The following ZNF862 variants were observed in gnomAD, a reference collection of about 807,000 sequenced individuals.
ZNF862 encodes the protein zinc finger protein 862.
A neutral mutation model predicts 91.1 loss-of-function variants in ZNF862; 64 were observed. The observed-to-expected ratio is 0.70, with a 90% CI of 0.57 to 0.87. The LOEUF is 0.87. ZNF862 is among the 40% of genes least tolerant of loss of function. The pLI is 0.00. For synonymous variants in ZNF862, 631 were observed against 618.1 expected (o/e 1.02, Z -0.31); for missense variants, 1,459 against 1,528.0 (o/e 0.95, Z 0.75).
At chr7:149,862,617 T>C in intron 7 of ZNF862, 123 bp downstream of exon 7, 1 of 1,109,154 alleles carries the variant, frequency 9.0e-7, no homozygotes, top group South Asian at 1.6e-5. Context: ...GGCCAGTGGG[T>C]ACTCGATGCG....
chr7:149,838,709 G>A (rs921685751), intron 1 of ZNF862, 74 bp downstream of exon 1: 125 of 1,023,958 alleles, frequency 1.2e-4, no homozygotes, highest in Non-Finnish European at 1.5e-4. Context: ...GAGGCGGGGC[G>A]GCTCGGGCGG....
At chr7:149,854,102 C>T (rs570372522) in intron 5 of ZNF862, among the ~76,000 whole-genome samples, 1 of 152,316 alleles carries the variant, frequency 6.6e-6, no homozygotes, top group African/African-American at 2.4e-5. Flanking sequence ...CAGCAGGACG[C>T]GCTTATAAAA....
Position 149,859,006 on chromosome 7 carries a change from C to T in ZNF862, c.1118-416C>T, listed in dbSNP as rs1461083270. 4 of 202,214 alleles carry T rather than the reference C, an allele frequency of 2.0e-5. No homozygotes were observed. In the East Asian group the frequency reaches 5.3e-4, roughly 27 times the overall value. 12.5% of individuals were successfully genotyped at this position (202,214 alleles called of 1,614,324 possible). ...AGCTGTGGGGGCAGAGGGGCACACG[C>T]GTGGGCCAGCTGTGGGGGCAGAGGG... On this transcript the variant is annotated intron_variant, in intron 5 of 7. Transcript: ENST00000223210.
At position 149,850,404 on chromosome 7, in the gene ZNF862, G is replaced by A; in HGVS notation, c.1117+66G>A. On this transcript the variant is annotated intron_variant, in intron 5 of 7. Coordinates refer to ENST00000223210, the MANE Select transcript of ZNF862 (RefSeq NM_001099220.3). The surrounding 1 kb of genome is among the most constrained non-coding windows in gnomAD (Gnocchi z 4.2). The stretch of plus-strand genomic sequence containing the variant: ...ACTTGGGAAGCCCACAAGGGGAGCT[G>A]TGGCTTGTGGTTATCTTCCCATTCC... The A allele has an allele frequency of 1.0e-5, 15 of 1,503,034 alleles. No individual in the cohort carries two copies. The highest frequency in any genetic ancestry group is 1.3e-5 in the Non-Finnish European group (15 of 1,117,076). 93.1% of individuals were successfully genotyped at this position (1,503,034 alleles called of 1,614,324 possible).
intron 4 of ZNF862, 136 bp downstream of exon 4, chr7:149,848,568 A>C: frequency 2.9e-6 from 2 of 693,698 alleles, no homozygotes; most frequent in East Asian, 2.9e-5. Context: ...GCATATACCA[A>C]CATGCTTATC....
rs199561761 is a variant in ZNF862, at chr7:149,850,143, C to T, written c.940-18C>T. 479 of 1,552,624 alleles carry T rather than the reference C, an allele frequency of 3.1e-4. No homozygotes were observed. The highest frequency in any genetic ancestry group is 2.5e-3 in the African/African-American group (185 of 73,138). ...GGCTCGGCAGGCGGTGCTGAGTGGC[C>T]GCTGCTCTTTGTTCCAGGACCCTTC... On this transcript the variant is annotated intron_variant, in intron 4 of 7. Transcript: ENST00000223210. The surrounding 1 kb of genome is among the most constrained non-coding windows in gnomAD (Gnocchi z 4.2).
rs1333966402 is a variant in ZNF862 at position 149,861,652 on chromosome 7, T to G, written c.2492T>G (p.Leu831Arg). 1.2e-6 allele frequency: 2 copies of G among 1,608,676 alleles called. No homozygotes were observed. The highest frequency in any genetic ancestry group is 1.7e-6 in the Non-Finnish European group (2 of 1,178,330). ...IGHRAKGMLK[L>R]MRGFHFVKFC... Reference sequence around the variant, plus strand: ...CACCGGGCCAAAGGGATGCTGAAGCTCATGCGCGGCTTCCACTTTGTCAAG... The same window carrying G: ...CACCGGGCCAAAGGGATGCTGAAGCGCATGCGCGGCTTCCACTTTGTCAAG... Residue 831 changes from leucine (L) to arginine (R), a missense_variant, in exon 7 of 8, where the codon CTC (leucine) becomes CGC (arginine). Coordinates refer to ENST00000223210, the MANE Select transcript of ZNF862 (RefSeq NM_001099220.3). The surrounding 1 kb of genome is among the most constrained non-coding windows in gnomAD (Gnocchi z 6.7).
At chr7:149,840,568 T>C (rs960844268) in intron 1 of ZNF862, among the ~76,000 whole-genome samples, 2 of 151,696 alleles carry the variant, frequency 1.3e-5, no homozygotes, top group South Asian at 2.1e-4. Context: ...ACTCACTCAC[T>C]CACCCAGAGC....
intron 5 of ZNF862, chr7:149,852,552 T>C (rs2128938594): frequency 6.6e-6 from 1 of 152,282 alleles, no homozygotes; most frequent in Non-Finnish European, 1.5e-5. Context: ...AATTTTTTTG[T>C]AGAGATGGAG....
rs747901845 is a variant in ZNF862, at chr7:149,862,226, AAGC to A, written c.3068_3070del (p.Ser1023del). ...CCCAGCACTGCCGCTTCCCCCTGCT[AAGC>A]AAGCTCATGGCCGTGGTGGTCTGTG... On this transcript the variant is annotated inframe_deletion, in exon 7 of 8. Transcript: ENST00000223210. 6.2e-7 allele frequency: 1 copy of A among 1,613,606 alleles called. No individual in the cohort carries two copies. The highest frequency in any genetic ancestry group is 8.5e-7 in the Non-Finnish European group (1 of 1,179,888).
In ZNF862 at chr7:149,861,125, C is replaced by G; in HGVS notation, c.1965C>G (p.Ser655=). The G allele has an allele frequency of 6.2e-7, 1 of 1,612,956 alleles. No homozygotes were observed. Among genetic ancestry groups the G allele is most frequent in the Non-Finnish European group, 8.5e-7 (1 of 1,179,838 alleles). The stretch of plus-strand genomic sequence containing the variant: ...TCAAGCAGATGGAGGTGAAAGAGTC[C>G]TACATCACTCTGGCCCCTCTCTACA... ...RYFKQMEVKE[S]YITLAPLYSE... Residue 655 remains serine (S), a synonymous_variant, in exon 7 of 8, where the codon TCC becomes TCG. Transcript: ENST00000223210. The surrounding 1 kb of genome is among the most constrained non-coding windows in gnomAD (Gnocchi z 6.7).
chr7:149,848,749 T>A (rs1801964467), intron 4 of ZNF862, among the ~76,000 whole-genome samples: 1 of 152,166 alleles, frequency 6.6e-6, no homozygotes, highest in Non-Finnish European at 1.5e-5. Flanking sequence ...TAAACACAGA[T>A]CTCAAGAAAT....
chr7:149,841,291 C>G, intron 1 of ZNF862: 1 of 985,332 alleles, frequency 1.0e-6, no homozygotes, highest in Non-Finnish European at 1.2e-6. Flanking sequence ...GTTTTGTGGT[C>G]TTTATTAACT....
At position 149,864,203 on chromosome 7, in the gene ZNF862, G is replaced by T. The variant is rs763196909; in HGVS notation, c.3429G>T (p.Glu1143Asp). 1.9e-6 allele frequency: 3 copies of T among 1,598,952 alleles called. No homozygotes were observed. The East Asian group carries it at 6.8e-5, about 36-fold the overall frequency. The change falls in exon 8 of 8, where the codon GAG becomes GAT. Residue 1143 changes from glutamate to aspartate, a missense_variant. Transcript: ENST00000223210. ...TCCTGCCCTCCAGGGAAGCAGCGGA[G>T]GTTCTGAAGGACTGCATCATGGAGC... is the stretch of plus-strand genomic sequence containing the variant. ...PPILPSREAAEVLKDCIMEPP... is the reference protein window; with the variant it reads ...PPILPSREAADVLKDCIMEPP...
chr7:149,843,579 C>T (rs1801774973), intron 1 of ZNF862, among the ~76,000 whole-genome samples: 1 of 152,284 alleles, frequency 6.6e-6, no homozygotes, highest in Admixed American at 6.5e-5. Flanking sequence ...CAACACCTCC[C>T]ATCTATTTTG....
chr7:149,851,905 G>A (rs554637924), intron 5 of ZNF862: 2 of 152,322 alleles, frequency 1.3e-5, no homozygotes, highest in Admixed American at 6.5e-5. Flanking sequence ...TCTAGGGGGT[G>A]GGCCTGGCCT....
At chr7:149,858,370 A>G (rs1319757860) in intron 5 of ZNF862, 1 of 152,180 alleles carries the variant, frequency 6.6e-6, no homozygotes, top group African/African-American at 2.4e-5. Flanking sequence ...TTTAAGAAGG[A>G]TATATGTTCA....
Position 149,844,545 on chromosome 7 carries a change from C to A in ZNF862, c.25-80C>A. ...ACAACACCCCTCCCCGTGTAGGGTG[C>A]CCTCAGGTGGTCAGGAACACTTTTG... is the stretch of plus-strand genomic sequence containing the variant. On this transcript the variant is annotated intron_variant, in intron 1 of 7. Coordinates refer to ENST00000223210, the MANE Select transcript of ZNF862 (RefSeq NM_001099220.3). The A allele has an allele frequency of 3.1e-6, 3 of 965,978 alleles. No homozygotes were observed. The South Asian group carries it at 4.6e-5, about 15-fold the overall frequency. 59.8% of individuals were successfully genotyped at this position (965,978 alleles called of 1,614,324 possible). A position where few individuals can be genotyped will look rare whatever the true frequency, so the allele number is the denominator to read the frequency against.
chr7:149,861,597 AGGGTGGCAGAGGCTGGGGGCCAGATT>A lies in ZNF862; in HGVS notation c.2441_2466del (p.Val814AlafsTer99). ...GCCCGCCCTGGCCAGGCACCTCCAG[AGGGTGGCAGAGGCTGGGGGCCAGATT>A]GGGCACCGGGCCAAAGGGATGCTGA... On this transcript the variant is annotated frameshift_variant, in exon 7 of 8. Transcript: ENST00000223210. LOFTEE classifies it high-confidence loss of function. The surrounding 1 kb of genome is among the most constrained non-coding windows in gnomAD (Gnocchi z 6.7). The A allele has an allele frequency of 1.9e-6, 3 of 1,599,334 alleles. No homozygotes were observed. Among genetic ancestry groups the A allele is most frequent in the Non-Finnish European group, 2.6e-6 (3 of 1,175,102 alleles).
Sources: allele counts gnomAD v4.1 joint callset (sites outside exome capture counted in the v4.1 genomes callset), GRCh38; gene constraint gnomAD v4.1.1; non-coding constraint Gnocchi (gnomAD v3.1); transcripts MANE v1.5; gene names NCBI Gene and HGNC (gene_info 2026-07-23, HGNC 2026-07-21).